Variants in ARPC3 observed in about 807,000 individuals in gnomAD.
The protein encoded by ARPC3 is actin-related protein 2/3 complex subunit 3.
A neutral mutation model predicts 27.6 loss-of-function variants in ARPC3; 12 were observed. The ratio of observed to expected loss-of-function variants is 0.43; its 90% CI spans 0.28 to 0.70. The LOEUF (loss-of-function observed/expected upper bound fraction) is 0.70. Ranked by LOEUF, ARPC3 falls within the 30% of genes least tolerant of loss-of-function variation. The pLI, the probability that ARPC3 is intolerant of heterozygous loss-of-function variation, is 0.17. For missense variants in ARPC3, 153 were observed against 207.7 expected (o/e 0.74, Z 1.62); for synonymous variants, 53 against 67.2 (o/e 0.79, Z 1.03).
chr12:110,438,565 C>T (rs557761819), intron 3 of ARPC3, among the ~76,000 whole-genome samples: 1 of 151,170 alleles, frequency 6.6e-6, no homozygotes, highest in East Asian at 2.0e-4. Context: ...CGCCATTGCA[C>T]TCCAGCCTGG....
At position 110,436,151 on chromosome 12, in the gene ARPC3, A is replaced by G; in HGVS notation, c.433T>C (p.Cys145Arg). 3.1e-6 allele frequency: 5 copies of G among 1,613,876 alleles called. 1 individual carries two copies. The South Asian group carries it at 4.4e-5, about 14-fold the overall frequency. Residue 145 changes from cysteine (C) to arginine (R), a missense_variant, in exon 6 of 7, where the codon TGT becomes CGT. By Grantham distance (180) the Cys-to-Arg change is radical. Coordinates refer to ENST00000228825, the MANE Select transcript of ARPC3 (RefSeq NM_001278556.2). ...TTCTGAGGGTCGAAAACTTTCTCAC[A>G]AAGTCTCAGTCCAGTCTCTTGCCTT... ...QLRQETGLRL[C>R]EKVFDPQNDK... is the part of the protein sequence containing the mutation.
In ARPC3 at chr12:110,436,695, A is replaced by AAAAT. The variant is rs764485902; in HGVS notation, c.253-13_253-12insATTT. Reference sequence around the variant, plus strand: ...CTTTTGGAATTGCACTGGAAAAAAAAATATATATATATATATACACACACA... The same window carrying AAAAT: ...CTTTTGGAATTGCACTGGAAAAAAAAAAATATATATATATATATATACACACACA... On this transcript the variant is annotated splice_polypyrimidine_tract_variant and intron_variant, in intron 4 of 6. Coordinates refer to ENST00000228825, the MANE Select transcript of ARPC3 (RefSeq NM_001278556.2). The AAAAT allele has an allele frequency of 3.7e-4, 271 of 735,028 alleles. 24 individuals are homozygous for AAAAT. Among genetic ancestry groups the AAAAT allele is most frequent in the African/African-American group, 1.3e-3 (42 of 32,488 alleles). The allele number at this position is 735,028 out of a possible 1,614,324, so 45.5% of individuals were successfully genotyped here. A position where few individuals can be genotyped will look rare whatever the true frequency, so the allele number is the denominator to read the frequency against.
At chr12:110,444,564 T>A (rs1211687292) in intron 2 of ARPC3, among the ~76,000 whole-genome samples, 1 of 152,168 alleles carries the variant, frequency 6.6e-6, no homozygotes, top group African/African-American at 2.4e-5. Context: ...GGATTACAAG[T>A]GTGAGCCACC....
Position 110,440,344 on chromosome 12 carries a change from C to T in ARPC3, c.151G>A (p.Ala51Thr), listed in dbSNP as rs1490509502. The T allele has an allele frequency of 1.2e-6, 2 of 1,611,342 alleles. No homozygotes were observed. The highest frequency in any genetic ancestry group is 1.7e-4 in the Middle Eastern group (1 of 6,032). ...TCATAGTTTTTGAAGAAGACATTGG[C>T]CTTGAAGTAATAGATGGCTTCATCC... ...IVDEAIYYFK[A>T]NVFFKNYEIK... The change falls in exon 3 of 7, where the codon GCC becomes ACC. Residue 51 changes from alanine to threonine, a missense_variant. By Grantham distance (58) the Ala-to-Thr change is moderately conservative (BLOSUM62 0). Transcript: ENST00000228825.
At chr12:110,436,865 T>C (rs1359912330) in intron 4 of ARPC3, 182 bp from the exon 5 acceptor site, 1 of 668,894 alleles carries the variant, frequency 1.5e-6, no homozygotes, top group Non-Finnish European at 2.5e-6. Context: ...AGAAAATATA[T>C]TCAAAGCCTT....
chr12:110,446,335 T>G (rs2135504724), intron 1 of ARPC3, among the ~76,000 whole-genome samples: 1 of 149,554 alleles, frequency 6.7e-6, no homozygotes, highest in East Asian at 2.0e-4. Flanking sequence ...TTGGCTCTTG[T>G]TGCCCAGGCT....
intron 1 of ARPC3, among the ~76,000 whole-genome samples, chr12:110,447,073 C>T (rs2135505244): frequency 6.6e-6 from 1 of 152,284 alleles, no homozygotes; most frequent in South Asian, 2.1e-4. Context: ...AGACAAACAT[C>T]ATATAAATCA....
intron 1 of ARPC3, among the ~76,000 whole-genome samples, chr12:110,447,181 CTCTT>C (rs2062469157): frequency 6.6e-6 from 1 of 152,218 alleles, no homozygotes; most frequent in African/African-American, 2.4e-5. Flanking sequence ...CATTCTTCTT[CTCTT>C]AGCTTGTTTC....
intron 3 of ARPC3, among the ~76,000 whole-genome samples, chr12:110,439,521 T>C (rs1234506838): frequency 6.6e-6 from 1 of 152,100 alleles, no homozygotes; most frequent in Non-Finnish European, 1.5e-5. Context: ...GTTCAGAGTT[T>C]GGCAAGGAGG....
intron 4 of ARPC3, 28 bp from the exon 5 acceptor site, chr12:110,436,711 T>TACACACATAC (rs1555295736): frequency 3.0e-4 from 116 of 382,246 alleles, no homozygotes; most frequent in Non-Finnish European, 4.4e-4. Context: ...TATATATATA[T>TACACACATAC]ACACACACAC....
At position 110,436,652 on chromosome 12, in the gene ARPC3, A is replaced by G. The variant is rs1555295703; in HGVS notation, c.284T>C (p.Met95Thr). Residue 95 changes from methionine (M) to threonine (T), a missense_variant, in exon 5 of 7, where the codon ATG (methionine) becomes ACG (threonine). Transcript: ENST00000228825. ...AAAATTAGTGATTCCCAGCGTATAC[A>G]TTTCTTTCTCACCTTGGCTTTTGGA... ...CNSKSQGEKE[M>T]YTLGITNFPI... The G allele has an allele frequency of 6.2e-7, 1 of 1,605,268 alleles. No homozygotes were observed. Among genetic ancestry groups the G allele is most frequent in the Non-Finnish European group, 8.5e-7 (1 of 1,176,416 alleles).
In ARPC3 at chr12:110,435,101, C is replaced by A. The variant is rs149092625; in HGVS notation, c.*54G>T. ...AATAAAGGCAAAAGATTGTGTACAT[C>A]TTGCTGGAAAATGCTGCCCAGGGCT... On this transcript the variant is annotated 3_prime_UTR_variant, in exon 7 of 7. Coordinates refer to ENST00000228825, the MANE Select transcript of ARPC3 (RefSeq NM_001278556.2). 8.6e-5 allele frequency: 118 copies of A among 1,369,454 alleles called. No individual in the cohort carries two copies. The African/African-American group carries it at 1.5e-3, about 17-fold the overall frequency. The allele number at this position is 1,369,454 out of a possible 1,614,324, so 84.8% of individuals were successfully genotyped here. A position where few individuals can be genotyped will look rare whatever the true frequency, so the allele number is the denominator to read the frequency against.
At chr12:110,447,251 A>C (rs1165919616) in intron 1 of ARPC3, among the ~76,000 whole-genome samples, 2 of 152,230 alleles carry the variant, frequency 1.3e-5, no homozygotes, top group Non-Finnish European at 2.9e-5. Context: ...TGTGTGTTAA[A>C]GGAAGGGATA....
At chr12:110,448,403 G>A (rs761670446) in intron 1 of ARPC3, among the ~76,000 whole-genome samples, 8 of 152,134 alleles carry the variant, frequency 5.3e-5, no homozygotes, top group Non-Finnish European at 1.0e-4. Context: ...GAGGCTGAGC[G>A]AGGTGGCTCA....
chr12:110,440,243 T>C, intron 3 of ARPC3, 69 bp downstream of exon 3: 2 of 1,068,508 alleles, frequency 1.9e-6, no homozygotes, highest in East Asian at 2.4e-5. Flanking sequence ...CTCACAGCAA[T>C]CTGGATAGCA....
At chr12:110,448,618 A>C in intron 1 of ARPC3, among the ~76,000 whole-genome samples, 1 of 149,642 alleles carries the variant, frequency 6.7e-6, no homozygotes, top group African/African-American at 2.5e-5. Context: ...GTGTCACTGA[A>C]CTGCAGCCTG....
At chr12:110,443,519 G>A (rs532260302) in intron 2 of ARPC3, among the ~76,000 whole-genome samples, 42 of 152,106 alleles carry the variant, frequency 2.8e-4, no homozygotes, top group African/African-American at 9.6e-4. Context: ...TGCAACCTCC[G>A]CCTCCTGAGT....
intron 3 of ARPC3, chr12:110,437,449 C>T (rs1381730530): frequency 2.4e-5 from 8 of 338,912 alleles, no homozygotes; most frequent in Non-Finnish European, 3.9e-5. Flanking sequence ...CTCACTGCAA[C>T]CTCCACCTCC....
chr12:110,434,987 A>G lies in ARPC3; in HGVS notation c.*168T>C. On this transcript the variant is annotated 3_prime_UTR_variant, in exon 7 of 7. Coordinates refer to ENST00000228825, the MANE Select transcript of ARPC3 (RefSeq NM_001278556.2). ...AGAAAATTTCAAATCACCCTTGATA[A>G]CCCACTTTCTTTTCTCCCACCCAAA... The G allele has an allele frequency of 1.4e-6, 1 of 718,424 alleles. No homozygotes were observed. Among genetic ancestry groups the G allele is most frequent in the South Asian group, 1.5e-5 (1 of 66,868 alleles). 44.5% of individuals were successfully genotyped at this position (718,424 alleles called of 1,614,324 possible).
Sources: gnomAD v4.1 joint callset for allele counts (sites outside exome capture counted in the v4.1 genomes callset) on GRCh38, gnomAD v4.1.1 for gene constraint, MANE v1.5 for transcripts, NCBI Gene and HGNC (gene_info 2026-07-23, HGNC 2026-07-21) for gene names.